Variants in ATXN7 observed in about 807,000 individuals in gnomAD.
ATXN7 encodes the protein ataxin 7, also known as ataxin-7.
ATXN7 carries 12 observed loss-of-function variants against 70.5 expected under a neutral mutation model. The ratio of observed to expected loss-of-function variants is 0.17; its 90% CI spans 0.11 to 0.28. The LOEUF is 0.28. Among genes scored for constraint, ATXN7 ranks in the 10% least tolerant of loss-of-function variants. The pLI, the probability that ATXN7 is intolerant of heterozygous loss-of-function variation, is 1.00. For missense variants in ATXN7, 1,256 were observed against 1,131.7 expected, an observed-to-expected ratio of 1.11 and a Z score of -1.58; for synonymous variants, 498 against 448.7, an observed-to-expected ratio of 1.11 and a Z score of -1.39.
intron 6 of ATXN7, among the ~76,000 whole-genome samples, chr3:63,981,316 G>A (rs1366868341): frequency 6.6e-6 from 1 of 152,200 alleles, no homozygotes; most frequent in Non-Finnish European, 1.5e-5. Flanking sequence ...TTTGTTCCGG[G>A]AGCAGTCTGA....
At chr3:63,940,285 T>TCACACACACACACACA (rs34660611) in intron 4 of ATXN7, among the ~76,000 whole-genome samples, 1 of 141,442 alleles carries the variant, frequency 7.1e-6, no homozygotes, top group African/African-American at 2.6e-5. Flanking sequence ...CCATGCCCCA[T>TCACACACACACACACA]CACACACACA....
At chr3:63,992,865 C>T (rs1356944359) in intron 11 of ATXN7, among the ~76,000 whole-genome samples, 3 of 152,202 alleles carry the variant, frequency 2.0e-5, no homozygotes, top group Non-Finnish European at 2.9e-5. Flanking sequence ...CATAGGAGTG[C>T]TGGCGGCCTT....
intron 5 of ATXN7, among the ~76,000 whole-genome samples, chr3:63,961,647 T>C (rs145222339): frequency 3.0e-4 from 46 of 152,180 alleles, no homozygotes; most frequent in African/African-American, 1.1e-3. Flanking sequence ...TGTAAATATA[T>C]AGAACTTTTA....
At chr3:63,996,617 T>TAAA (rs752406394) in intron 12 of ATXN7, 134 bp downstream of exon 12, 110 of 202,658 alleles carry the variant, frequency 5.4e-4, no homozygotes, top group Middle Eastern at 1.8e-3. Flanking sequence ...GGTGTCTTCT[T>TAAA]AAAAAAAAAA....
At chr3:63,955,816 T>C (rs1559645344) in intron 5 of ATXN7, among the ~76,000 whole-genome samples, 1 of 152,212 alleles carries the variant, frequency 6.6e-6, no homozygotes, top group African/African-American at 2.4e-5. Flanking sequence ...CTGTGACTTT[T>C]ATGAACAAAT....
intron 4 of ATXN7, 33 bp from the exon 5 acceptor site, chr3:63,952,346 A>G (rs1271308728): frequency 1.9e-6 from 3 of 1,541,646 alleles, no homozygotes; most frequent in Non-Finnish European, 2.7e-6. Context: ...TCAGAACCAG[A>G]TGAGTGAGTG....
chr3:63,872,116 T>A (rs1702612649), intron 1 of ATXN7, among the ~76,000 whole-genome samples: 1 of 152,164 alleles, frequency 6.6e-6, no homozygotes, highest in Non-Finnish European at 1.5e-5. Context: ...GATCTAGCCT[T>A]GACGAATGAG....
intron 1 of ATXN7, among the ~76,000 whole-genome samples, chr3:63,895,997 T>C (rs1703433954): frequency 6.6e-6 from 1 of 152,162 alleles, no homozygotes; most frequent in South Asian, 2.1e-4. Flanking sequence ...TCTCAATTTC[T>C]CGTTCTAAGA....
chr3:63,870,940 A>G (rs898457263), intron 1 of ATXN7, among the ~76,000 whole-genome samples: 15 of 152,250 alleles, frequency 9.9e-5, no homozygotes, highest in East Asian at 7.7e-4. Flanking sequence ...GTGTAATTTC[A>G]TCCGGCCATC....
intron 4 of ATXN7, among the ~76,000 whole-genome samples, chr3:63,928,186 A>G (rs1236124407): frequency 6.6e-6 from 1 of 152,182 alleles, no homozygotes; most frequent in African/African-American, 2.4e-5. Context: ...CTGTAATCCT[A>G]GCATTTTGGG....
At chr3:63,939,017 A>G (rs1215566781) in intron 4 of ATXN7, among the ~76,000 whole-genome samples, 1 of 150,778 alleles carries the variant, frequency 6.6e-6, no homozygotes, top group Non-Finnish European at 1.5e-5. Flanking sequence ...TTTTTTGCAT[A>G]TGGAAGAAAT....
At chr3:63,955,443 G>A (rs193219260) in intron 5 of ATXN7, among the ~76,000 whole-genome samples, 10 of 152,178 alleles carry the variant, frequency 6.6e-5, no homozygotes, top group Admixed American at 5.2e-4. Flanking sequence ...AGTAGAGGGA[G>A]GCACCATGTG....
intron 8 of ATXN7, among the ~76,000 whole-genome samples, chr3:63,984,321 T>A (rs758950668): frequency 6.6e-6 from 1 of 152,178 alleles, no homozygotes; most frequent in Non-Finnish European, 1.5e-5. Flanking sequence ...AGCCCATCCT[T>A]GGATTTCTAG....
At chr3:63,975,795 C>T (rs891119545) in intron 5 of ATXN7, among the ~76,000 whole-genome samples, 2 of 152,196 alleles carry the variant, frequency 1.3e-5, no homozygotes, top group Non-Finnish European at 2.9e-5. Flanking sequence ...TGCCATGTGA[C>T]GTACTGAAGC....
chr3:63,888,076 C>A (rs1348702435), intron 1 of ATXN7, among the ~76,000 whole-genome samples: 1 of 152,032 alleles, frequency 6.6e-6, no homozygotes, highest in East Asian at 1.9e-4. Context: ...AGTCTAAAAC[C>A]TCTATTTTCA....
At chr3:63,945,977 C>CA (rs2074852333) in intron 4 of ATXN7, among the ~76,000 whole-genome samples, 1 of 152,166 alleles carries the variant, frequency 6.6e-6, no homozygotes, top group African/African-American at 2.4e-5. Context: ...GAGGCAGGGC[C>CA]AAGCTGTTCA....
chr3:63,925,396 G>A (rs1309940330), intron 4 of ATXN7, among the ~76,000 whole-genome samples: 1 of 152,156 alleles, frequency 6.6e-6, no homozygotes, highest in African/African-American at 2.4e-5. Context: ...GTGGGGGACT[G>A]AGCATTACTG....
At chr3:63,979,775 G>A in intron 5 of ATXN7, 140 bp from the exon 6 acceptor site, 2 of 1,157,358 alleles carry the variant, frequency 1.7e-6, no homozygotes, top group Non-Finnish European at 2.4e-6. Context: ...AGCCATTTCT[G>A]AAGTCTGCTG....
intron 5 of ATXN7, among the ~76,000 whole-genome samples, chr3:63,974,426 A>G (rs2075360657): frequency 6.6e-6 from 1 of 152,284 alleles, no homozygotes; most frequent in South Asian, 2.1e-4. Context: ...CTGCCCCTCC[A>G]TCATGTATTA....
Sources: gnomAD v4.1 joint callset for allele counts (sites outside exome capture counted in the v4.1 genomes callset) on GRCh38, gnomAD v4.1.1 for gene constraint, MANE v1.5 for transcripts, NCBI Gene and HGNC (gene_info 2026-07-23, HGNC 2026-07-21) for gene names.